The following MAST4 variants were observed in gnomAD, a reference collection of about 807,000 sequenced individuals.
MAST4 encodes microtubule associated serine/threonine kinase family member 4, also known as microtubule-associated serine/threonine-protein kinase 4.
In MAST4, 89 loss-of-function variants were observed where a neutral mutation model predicts 162.7. The ratio of observed to expected loss-of-function variants is 0.55; its 90% confidence interval spans 0.46 to 0.65. The LOEUF is 0.65. Among genes scored for constraint, MAST4 ranks in the 30% least tolerant of loss-of-function variants. MAST4 has a pLI of 0.00. For synonymous variants in MAST4, 1,479 were observed against 1,361.1 expected (o/e 1.09, Z -1.91); for missense variants, 3,153 against 3,374.0 (o/e 0.93, Z 1.62).
chr5:66,925,414 A>G (rs927245518), intron 4 of MAST4, among the ~76,000 whole-genome samples: 1 of 152,230 alleles, frequency 6.6e-6, no homozygotes, highest in Non-Finnish European at 1.5e-5. Flanking sequence ...TTTTATGTGC[A>G]GGAAATCACT....
intron 3 of MAST4, among the ~76,000 whole-genome samples, chr5:66,794,929 A>G (rs1755579728): frequency 6.6e-6 from 1 of 152,228 alleles, no homozygotes; most frequent in African/African-American, 2.4e-5. Context: ...AAAGAAATGC[A>G]TTATAAGAAG....
At chr5:66,660,844 G>GA (rs948453317) in intron 1 of MAST4, among the ~76,000 whole-genome samples, 37 of 152,176 alleles carry the variant, frequency 2.4e-4, no homozygotes, top group African/African-American at 8.2e-4. Flanking sequence ...CAGTAATGGT[G>GA]ACTGGATTTC....
chr5:66,877,924 A>G (rs1322659868), intron 3 of MAST4, among the ~76,000 whole-genome samples: 3 of 152,378 alleles, frequency 2.0e-5, no homozygotes, highest in South Asian at 4.1e-4. Flanking sequence ...TGCTAGAGGT[A>G]TCAGGCGTTC....
At chr5:66,601,494 A>T (rs934460932) in intron 1 of MAST4, among the ~76,000 whole-genome samples, 1 of 152,214 alleles carries the variant, frequency 6.6e-6, no homozygotes, top group Admixed American at 6.5e-5. Flanking sequence ...ATGTGGCTGC[A>T]CTTGTAAGTC....
rs1760558331 is a variant in MAST4 at position 66,866,816 on chromosome 5, C to T, written c.643-33135C>T. ...TCCAGGCTGGAGTGCGGTGCGTGATCACGGCTCACTGCAGCCTTGAACTCC... is the reference window on the plus strand; with the variant it reads ...TCCAGGCTGGAGTGCGGTGCGTGATTACGGCTCACTGCAGCCTTGAACTCC... On this transcript the variant is annotated intron_variant, in intron 3 of 28. Transcript: ENST00000403625. 3.9e-5 allele frequency among the ~76,000 whole-genome samples: 6 copies of T among 152,222 alleles called. No homozygotes were observed. In the South Asian group the frequency reaches 1.2e-3, roughly 32 times the overall value.
chr5:66,978,038 A>G (rs975819883), intron 4 of MAST4, among the ~76,000 whole-genome samples: 9 of 152,232 alleles, frequency 5.9e-5, no homozygotes, highest in Admixed American at 5.9e-4. Context: ...AATCACACAC[A>G]TAAATTTTTA....
intron 1 of MAST4, among the ~76,000 whole-genome samples, chr5:66,694,791 T>C (rs530886451): frequency 2.6e-5 from 4 of 152,226 alleles, no homozygotes; most frequent in Non-Finnish European, 4.4e-5. Flanking sequence ...CCAGCCAATC[T>C]TGAGCTTTTT....
chr5:67,101,074 A>T (rs1764975068), intron 8 of MAST4, among the ~76,000 whole-genome samples: 1 of 152,196 alleles, frequency 6.6e-6, no homozygotes, highest in Non-Finnish European at 1.5e-5. Flanking sequence ...AAGTTTGTGG[A>T]TGCCAAATGT....
At chr5:66,979,838 C>T (rs1170599885) in intron 4 of MAST4, among the ~76,000 whole-genome samples, 2 of 152,218 alleles carry the variant, frequency 1.3e-5, no homozygotes, top group African/African-American at 4.8e-5. Context: ...GGCTCACAGT[C>T]ATTAAGTGTG....
chr5:66,700,588 G>A (rs1356852093), intron 1 of MAST4, among the ~76,000 whole-genome samples: 2 of 151,820 alleles, frequency 1.3e-5, no homozygotes, highest in African/African-American at 2.4e-5. Context: ...GGAGGCTGAG[G>A]CACGAGAATT....
chr5:66,726,143 T>G (rs1433441458), intron 1 of MAST4, among the ~76,000 whole-genome samples: 2 of 152,094 alleles, frequency 1.3e-5, no homozygotes, highest in South Asian at 4.2e-4. Context: ...AATGATAGAT[T>G]GAAAATTTAG....
Position 66,859,450 on chromosome 5 carries a change from C to G in MAST4, c.643-40501C>G, listed in dbSNP as rs1020413900. On this transcript the variant is annotated intron_variant, in intron 3 of 28. Transcript: ENST00000403625. Reference sequence around the variant, plus strand: ...AGTGTCTTCATTGACCCTTGGTTCTCTCTCCAATCCTACCACCCCTGTCCT... The same window carrying G: ...AGTGTCTTCATTGACCCTTGGTTCTGTCTCCAATCCTACCACCCCTGTCCT... 3.4e-4 allele frequency among the ~76,000 whole-genome samples: 52 copies of G among 152,134 alleles called. 2 individuals are homozygous for G. The highest frequency in any genetic ancestry group is 5.9e-4 in the Non-Finnish European group (40 of 68,026).
rs547945662 is a variant in MAST4 at position 66,693,911 on chromosome 5, A to G, written c.364-65798A>G. ...CACAAAAAAAGCTTTATACAAGGGG[A>G]GGGATTTGCTCCAACACTGAAGTAT... On this transcript the variant is annotated intron_variant, in intron 1 of 28. Transcript: ENST00000403625. Among the ~76,000 whole-genome samples the G allele has an allele frequency of 2.0e-5, 3 of 152,264 alleles. 1 individual carries two copies. The highest frequency in any genetic ancestry group is 1.9e-4 in the East Asian group (1 of 5,176).
intron 1 of MAST4, among the ~76,000 whole-genome samples, chr5:66,672,841 A>G (rs531340114): frequency 3.3e-4 from 51 of 152,292 alleles, no homozygotes; most frequent in African/African-American, 1.2e-3. Flanking sequence ...TATATACAGT[A>G]CATCATTTTA....
intron 5 of MAST4, among the ~76,000 whole-genome samples, chr5:67,083,812 T>C (rs139290547): frequency 6.6e-6 from 1 of 152,270 alleles, no homozygotes; most frequent in African/African-American, 2.4e-5. Context: ...ACTCAGTAAC[T>C]TTAAACAAGG....
chr5:66,963,190 G>T (rs1746236582), intron 4 of MAST4, among the ~76,000 whole-genome samples: 1 of 152,110 alleles, frequency 6.6e-6, no homozygotes. Flanking sequence ...TATATGCATA[G>T]GAACACTTTT....
chr5:66,808,913 G>A (rs1055382292), intron 3 of MAST4, among the ~76,000 whole-genome samples: 4 of 152,128 alleles, frequency 2.6e-5, no homozygotes, highest in South Asian at 2.1e-4. Context: ...TTAAACCCAC[G>A]CAATAGAGAT....
At chr5:66,659,767 TA>T (rs1746785875) in intron 1 of MAST4, among the ~76,000 whole-genome samples, 1 of 152,202 alleles carries the variant, frequency 6.6e-6, no homozygotes, top group Non-Finnish European at 1.5e-5. Context: ...GATCCATAAA[TA>T]AGTAATGATA....
At chr5:67,077,886 G>A (rs957565847) in intron 5 of MAST4, among the ~76,000 whole-genome samples, 4 of 152,102 alleles carry the variant, frequency 2.6e-5, no homozygotes, top group African/African-American at 9.7e-5. Context: ...GATCACCTGA[G>A]GTCAGGAGTT....
Sources: gnomAD v4.1 joint callset for allele counts (sites outside exome capture counted in the v4.1 genomes callset) on GRCh38, gnomAD v4.1.1 for gene constraint, MANE v1.5 for transcripts, NCBI Gene and HGNC (gene_info 2026-07-23, HGNC 2026-07-21) for gene names.